Variants in LRRC74A observed in about 807,000 individuals in gnomAD.
The protein encoded by LRRC74A is leucine-rich repeat-containing protein 74A.
In LRRC74A, 44 loss-of-function variants were observed where a neutral mutation model predicts 57.9. The ratio of observed to expected loss-of-function variants is 0.76; its 90% CI spans 0.60 to 0.98. The LOEUF is 0.98. Among genes scored for constraint, LRRC74A ranks in the 50% least tolerant of loss-of-function variants. The probability of loss-of-function intolerance (pLI) is 0.00; values close to 1 mark genes in which losing one functional copy is unlikely to be tolerated. For synonymous variants in LRRC74A, 211 were observed against 219.4 expected (o/e 0.96, Z 0.34); for missense variants, 572 against 574.0 (o/e 1.00, Z 0.04).
At chr14:76,843,287 CAAAAAAAAAAAAAAAAAAAA>C (rs59087508) in intron 5 of LRRC74A, among the ~76,000 whole-genome samples, 2 of 130,542 alleles carry the variant, frequency 1.5e-5, no homozygotes, top group Non-Finnish European at 3.1e-5. Context: ...GACTCCGTCT[CAAAAAAAAAAAAAAAAAAAA>C]AAAAAAAAAA....
In LRRC74A at chr14:76,852,940, C is replaced by T. The variant is rs546759527; in HGVS notation, c.763-276C>T. Among the ~76,000 whole-genome samples the T allele has an allele frequency of 1.7e-4, 26 of 152,204 alleles. No individual in the cohort carries two copies. In the South Asian group the frequency reaches 4.4e-3, roughly 25 times the overall value. On this transcript the variant is annotated intron_variant, in intron 8 of 13. Transcript: ENST00000689127. Reference sequence around the variant, plus strand: ...CCTGCACATTATTCTTTAGTATAATCGTATCTGCTGAGGCCAGGGTGACAT... The same window carrying T: ...CCTGCACATTATTCTTTAGTATAATTGTATCTGCTGAGGCCAGGGTGACAT...
intron 11 of LRRC74A, among the ~76,000 whole-genome samples, chr14:76,863,566 G>A (rs566117267): frequency 1.3e-5 from 2 of 152,290 alleles, no homozygotes; most frequent in South Asian, 2.1e-4. Context: ...AAGAGCGAAC[G>A]CCCTTCGTGT....
intron 3 of LRRC74A, among the ~76,000 whole-genome samples, chr14:76,833,813 T>C (rs1428660746): frequency 6.6e-6 from 1 of 152,222 alleles, no homozygotes; most frequent in African/African-American, 2.4e-5. Context: ...ACCCTCTTAT[T>C]GTGCCTAATT....
intron 10 of LRRC74A, among the ~76,000 whole-genome samples, chr14:76,859,954 A>T (rs1595392513): frequency 6.6e-6 from 1 of 152,290 alleles, no homozygotes; most frequent in Middle Eastern, 3.4e-3. Context: ...CTGGGATTAC[A>T]GGCTTGAGAC....
rs1219426279 is a variant in LRRC74A at position 76,852,455 on chromosome 14, G to A, written c.762+5G>A. 2 of 1,593,036 alleles carry A rather than the reference G, an allele frequency of 1.3e-6. No individual in the cohort carries two copies. Among genetic ancestry groups the A allele is most frequent in the African/African-American group, 1.3e-5 (1 of 74,472 alleles). ...GCCTTGTGCAATGGTCTCCGGGTAAGGCACTCTCCAGGAGTGATGTGTGGA... is the reference window on the plus strand; with the variant it reads ...GCCTTGTGCAATGGTCTCCGGGTAAAGCACTCTCCAGGAGTGATGTGTGGA... On this transcript the variant is annotated splice_donor_5th_base_variant and intron_variant, in intron 8 of 13. Coordinates refer to ENST00000689127, the MANE Select transcript of LRRC74A (RefSeq NM_001385106.1).
At chr14:76,837,479 A>G (rs959338401) in intron 4 of LRRC74A, among the ~76,000 whole-genome samples, 1 of 152,242 alleles carries the variant, frequency 6.6e-6, no homozygotes, top group Non-Finnish European at 1.5e-5. Context: ...AGAATTTACA[A>G]TGATTATGCA....
chr14:76,849,164 G>A (rs559238307), intron 7 of LRRC74A, among the ~76,000 whole-genome samples: 73 of 152,028 alleles, frequency 4.8e-4, no homozygotes, highest in Non-Finnish European at 9.6e-4. Flanking sequence ...CTTTTGTTTT[G>A]TTTTTGAGGC....
At position 76,866,928 on chromosome 14, in the gene LRRC74A, G is replaced by T. The variant is rs538269346; in HGVS notation, c.1309-428G>T. On this transcript the variant is annotated intron_variant, in intron 12 of 13. Coordinates refer to ENST00000689127, the MANE Select transcript of LRRC74A (RefSeq NM_001385106.1). ...GGCATTGTGTGGGGTGTGTGTGTTG[G>T]GGGGGGTGGTAGGTGTGTGGGGTGT... Among the ~76,000 whole-genome samples, 4 of 130,390 alleles carry T rather than the reference G, an allele frequency of 3.1e-5. No individual in the cohort carries two copies. The East Asian group carries it at 6.9e-4, about 23-fold the overall frequency. The allele number at this position is 130,390 out of a possible 152,430, so 85.5% of individuals were successfully genotyped here.
chr14:76,850,638 G>A (rs199857153), intron 7 of LRRC74A, among the ~76,000 whole-genome samples: 55 of 152,058 alleles, frequency 3.6e-4, no homozygotes, highest in African/African-American at 1.2e-3. Context: ...AGTCCGAGGC[G>A]GGTGGATCAC....
At chr14:76,865,942 C>T in intron 11 of LRRC74A, 26 bp from the exon 12 acceptor site, 1 of 1,495,414 alleles carries the variant, frequency 6.7e-7, no homozygotes, top group Non-Finnish European at 9.2e-7. Context: ...CAAGTGTTTG[C>T]TCCTGGTCTC....
chr14:76,864,646 A>G (rs1425222445), intron 11 of LRRC74A, among the ~76,000 whole-genome samples: 1 of 152,092 alleles, frequency 6.6e-6, no homozygotes, highest in Non-Finnish European at 1.5e-5. Flanking sequence ...TTGAGGTCAG[A>G]AGTTCAAGAC....
intron 2 of LRRC74A, chr14:76,829,254 C>A: frequency 1.7e-6 from 2 of 1,201,812 alleles, no homozygotes; most frequent in African/African-American, 1.6e-5. Context: ...GATTCACAGG[C>A]AGCAGAGATG....
At position 76,870,205 on chromosome 14, in the gene LRRC74A, G is replaced by T; in HGVS notation, c.*56G>T. The T allele has an allele frequency of 6.4e-7, 1 of 1,572,116 alleles. No homozygotes were observed. The stretch of plus-strand genomic sequence containing the variant: ...CGAGAGGAGTCCTCGCAAGTCGGAT[G>T]GTGGCAGGGAGGAGAGCAAGAGGTG... On this transcript the variant is annotated 3_prime_UTR_variant, in exon 14 of 14. Transcript: ENST00000689127.
At chr14:76,840,658 C>CTGCA (rs1284862409) in intron 5 of LRRC74A, among the ~76,000 whole-genome samples, 3 of 148,874 alleles carry the variant, frequency 2.0e-5, no homozygotes, top group Non-Finnish European at 4.5e-5. Context: ...TCTCGGCTCA[C>CTGCA]TGCAGGCTCT....
At position 76,837,886 on chromosome 14, in the gene LRRC74A, CA is replaced by C; in HGVS notation, c.461del (p.Asn154IlefsTer63). Reference protein sequence around the residue: ...YYLQEMNISNNHLGLEGARII... With the variant: ...YYLQEMNISNXHLGLEGARII... ...TTCTTGCCTTTTAGAATATTTCCAA[CA>C]ATCACCTTGGTTTGGAGGGGGCCAG... On this transcript the variant is annotated frameshift_variant, in exon 5 of 14. Transcript: ENST00000689127. LOFTEE classifies it high-confidence loss of function. 1 of 1,586,148 alleles carries C rather than the reference CA, an allele frequency of 6.3e-7. No individual in the cohort carries two copies. Among genetic ancestry groups the C allele is most frequent in the Non-Finnish European group, 8.6e-7 (1 of 1,163,910 alleles).
intron 7 of LRRC74A, 57 bp downstream of exon 7, chr14:76,844,958 G>C: frequency 1.2e-6 from 1 of 863,760 alleles, no homozygotes. Flanking sequence ...GAATCACTTG[G>C]CAGAGCGGAA....
intron 7 of LRRC74A, among the ~76,000 whole-genome samples, chr14:76,850,783 G>C (rs1012420008): frequency 6.8e-6 from 1 of 146,508 alleles, no homozygotes; most frequent in South Asian, 2.2e-4. Flanking sequence ...CAGGAGAATC[G>C]CTTGAACCCA....
At chr14:76,855,128 A>G (rs759821662) in intron 9 of LRRC74A, among the ~76,000 whole-genome samples, 4 of 152,236 alleles carry the variant, frequency 2.6e-5, no homozygotes, top group Non-Finnish European at 5.9e-5. Flanking sequence ...GAGGACAACC[A>G]TGAGGAGCTG....
intron 5 of LRRC74A, among the ~76,000 whole-genome samples, chr14:76,841,107 T>C (rs1343632044): frequency 6.6e-6 from 1 of 152,158 alleles, no homozygotes; most frequent in Non-Finnish European, 1.5e-5. Context: ...AGTGGTGCCA[T>C]CTCAGCTTGT....
Sources: allele counts gnomAD v4.1 joint callset (sites outside exome capture counted in the v4.1 genomes callset), GRCh38; gene constraint gnomAD v4.1.1; transcripts MANE v1.5; gene names NCBI Gene and HGNC (gene_info 2026-07-23, HGNC 2026-07-21).